NUDCD3: variants seen among roughly 807,000 people sequenced by gnomAD.
NUDCD3 encodes the protein nudC domain-containing protein 3.
NUDCD3 carries 13 observed loss-of-function variants against 39.7 expected under a neutral mutation model. That is an observed-to-expected ratio of 0.33 (90% CI 0.21 to 0.52). The LOEUF (loss-of-function observed/expected upper bound fraction) is 0.52, where lower values mean the gene tolerates loss of function less well. Ranked by LOEUF, NUDCD3 falls within the 20% of genes least tolerant of loss-of-function variation. NUDCD3 has a pLI of 0.96. For synonymous variants in NUDCD3, 175 were observed against 172.4 expected, an observed-to-expected ratio of 1.02 and a Z score of -0.12; for missense variants, 453 against 458.1, an observed-to-expected ratio of 0.99 and a Z score of 0.10.
chr7:44,434,477 T>C (rs768879145), intron 2 of NUDCD3, among the ~76,000 whole-genome samples: 1 of 152,090 alleles, frequency 6.6e-6, no homozygotes, highest in Non-Finnish European at 1.5e-5. Context: ...CTCACTGAGG[T>C]TCCCCTACCC....
At chr7:44,398,172 G>A (rs553147882) in intron 4 of NUDCD3, among the ~76,000 whole-genome samples, 64 of 152,248 alleles carry the variant, frequency 4.2e-4, no homozygotes, top group Non-Finnish European at 7.5e-4. Flanking sequence ...TCTGTCCCAC[G>A]AAGGCTGGGA....
At chr7:44,425,567 A>G (rs1189880258) in intron 3 of NUDCD3, among the ~76,000 whole-genome samples, 7 of 152,184 alleles carry the variant, frequency 4.6e-5, no homozygotes. Context: ...CTCTCCCACT[A>G]AAAGATTAAA....
At chr7:44,426,720 C>T (rs1041221341) in intron 3 of NUDCD3, among the ~76,000 whole-genome samples, 63 of 149,224 alleles carry the variant, frequency 4.2e-4, no homozygotes, top group Admixed American at 9.4e-4. Flanking sequence ...GGCGTGAACC[C>T]GGGAGGCGGA....
At chr7:44,389,873 A>C (rs761407308) in intron 5 of NUDCD3, among the ~76,000 whole-genome samples, 2 of 152,186 alleles carry the variant, frequency 1.3e-5, no homozygotes, top group Non-Finnish European at 2.9e-5. Context: ...GATGTAGAGA[A>C]GAAAAGGCTG....
chr7:44,430,459 T>C (rs969576606), intron 2 of NUDCD3, among the ~76,000 whole-genome samples: 1 of 152,168 alleles, frequency 6.6e-6, no homozygotes, highest in Admixed American at 6.5e-5. Flanking sequence ...GCTACCTTTA[T>C]GGCTGGAAAC....
chr7:44,461,459 C>T (rs1800012441), intron 2 of NUDCD3, among the ~76,000 whole-genome samples: 1 of 152,096 alleles, frequency 6.6e-6, no homozygotes, highest in Admixed American at 6.5e-5. Context: ...GTGTGATCTG[C>T]AACAGGAAAA....
intron 3 of NUDCD3, among the ~76,000 whole-genome samples, chr7:44,419,793 A>G (rs1024189520): frequency 6.6e-5 from 10 of 151,954 alleles, no homozygotes; most frequent in Non-Finnish European, 2.9e-5. Context: ...GAAAGCAACA[A>G]CATCAACATC....
intron 4 of NUDCD3, among the ~76,000 whole-genome samples, chr7:44,402,140 A>G (rs1005758188): frequency 6.6e-6 from 1 of 152,216 alleles, no homozygotes; most frequent in Non-Finnish European, 1.5e-5. Context: ...CAAGGCAGGC[A>G]TGGGTTTGAG....
chr7:44,474,711 C>T (rs1361006200), intron 2 of NUDCD3, among the ~76,000 whole-genome samples: 3 of 152,180 alleles, frequency 2.0e-5, no homozygotes, highest in African/African-American at 7.2e-5. Flanking sequence ...AAATAAACTG[C>T]AAAATAAAAA....
At position 44,394,215 on chromosome 7, in the gene NUDCD3, T is replaced by C. The variant is rs189447526; in HGVS notation, c.787-1730A>G. On this transcript the variant is annotated intron_variant, in intron 4 of 5. Coordinates refer to ENST00000355451, the MANE Select transcript of NUDCD3 (RefSeq NM_015332.4). ...TCTTGTCTGACATTCCGAATGCAGA[T>C]AGGGGGAGTGGTGAACAGGGGGAGT... Among the ~76,000 whole-genome samples the C allele has an allele frequency of 3.2e-4, 49 of 152,082 alleles. No individual in the cohort carries two copies. The South Asian group carries it at 7.3e-3, about 23-fold the overall frequency.
intron 5 of NUDCD3, among the ~76,000 whole-genome samples, chr7:44,388,403 T>G (rs1052411953): frequency 6.6e-6 from 1 of 152,196 alleles, no homozygotes; most frequent in African/African-American, 2.4e-5. Context: ...GACGCCTGAA[T>G]AAAATGTGGC....
At position 44,490,506 on chromosome 7, in the gene NUDCD3, C is replaced by G; in HGVS notation, c.95G>C (p.Gly32Ala). Residue 32 changes from glycine (G) to alanine (A), a missense_variant, in exon 1 of 6, where the codon GGC becomes GCC. Physicochemically the swap from Gly to Ala is moderately conservative, Grantham distance 60. Coordinates refer to ENST00000355451, the MANE Select transcript of NUDCD3 (RefSeq NM_015332.4). ...NVQDFLRVLF[G>A]FLYRKTDFYR... ...GAAGTCTGTCTTGCGGTAGAGGAAG[C>G]CAAAGAGAACGCGCAGGAAATCCTG... 1.9e-6 allele frequency: 3 copies of G among 1,611,344 alleles called. No individual in the cohort carries two copies. The highest frequency in any genetic ancestry group is 2.5e-6 in the Non-Finnish European group (3 of 1,178,892).
intron 1 of NUDCD3, among the ~76,000 whole-genome samples, chr7:44,486,138 C>T (rs1800605450): frequency 6.6e-6 from 1 of 152,174 alleles, no homozygotes; most frequent in Admixed American, 6.5e-5. Flanking sequence ...TGCCACAGCT[C>T]TAAGAATAGG....
At chr7:44,457,466 C>A (rs1359924346) in intron 2 of NUDCD3, among the ~76,000 whole-genome samples, 1 of 152,148 alleles carries the variant, frequency 6.6e-6, no homozygotes, top group Non-Finnish European at 1.5e-5. Context: ...AGCAAAGCTG[C>A]AGGTTACAAG....
At chr7:44,428,123 T>TA (rs55642004) in intron 2 of NUDCD3, among the ~76,000 whole-genome samples, 10,282 of 76,070 alleles carry the variant, frequency 0.14, 1,098 homozygotes, top group Non-Finnish European at 0.17. Flanking sequence ...GGTCAATCTT[T>TA]AAAAAAAAAA....
At chr7:44,477,960 T>C (rs1585106762) in intron 2 of NUDCD3, among the ~76,000 whole-genome samples, 1 of 151,814 alleles carries the variant, frequency 6.6e-6, no homozygotes, top group East Asian at 1.9e-4. Flanking sequence ...CAGCCTCCTG[T>C]GTAGCTGAGA....
At chr7:44,391,303 G>T (rs542030420) in intron 5 of NUDCD3, among the ~76,000 whole-genome samples, 1 of 152,178 alleles carries the variant, frequency 6.6e-6, no homozygotes, top group East Asian at 1.9e-4. Flanking sequence ...ACTCCTCTCC[G>T]CAGGCTCCTT....
intron 2 of NUDCD3, among the ~76,000 whole-genome samples, chr7:44,430,236 C>A (rs755219127): frequency 6.6e-6 from 1 of 152,156 alleles, no homozygotes; most frequent in Non-Finnish European, 1.5e-5. Flanking sequence ...CCCCTGTACC[C>A]AGGTGCGGTC....
chr7:44,415,450 C>T lies in NUDCD3; in HGVS notation c.643-10867G>A, dbSNP rs941690242. Among the ~76,000 whole-genome samples the T allele has an allele frequency of 1.6e-4, 24 of 152,296 alleles. No individual in the cohort carries two copies. The South Asian group carries it at 5.0e-3, about 32-fold the overall frequency. ...TACTAATGTATGAAATTAAAAGCTT[C>T]ATTTTGAGAAGTTTTCTTTCAGATT... On this transcript the variant is annotated intron_variant, in intron 3 of 5. Transcript: ENST00000355451.
Sources: gnomAD v4.1 joint callset for allele counts (sites outside exome capture counted in the v4.1 genomes callset) on GRCh38, gnomAD v4.1.1 for gene constraint, MANE v1.5 for transcripts, NCBI Gene and HGNC (gene_info 2026-07-23, HGNC 2026-07-21) for gene names.